MACROD2: variants seen among roughly 807,000 people sequenced by gnomAD.
The protein encoded by MACROD2 is ADP-ribose glycohydrolase MACROD2.
A neutral mutation model predicts 70.4 loss-of-function variants in MACROD2; 36 were observed. The ratio of observed to expected loss-of-function variants is 0.51; its 90% CI spans 0.39 to 0.68. MACROD2 has a LOEUF of 0.68. MACROD2 is among the 30% of genes least tolerant of loss of function. The pLI is 0.00. For synonymous variants in MACROD2, 172 were observed against 178.8 expected, an observed-to-expected ratio of 0.96 and a Z score of 0.30; for missense variants, 496 against 538.4, an observed-to-expected ratio of 0.92 and a Z score of 0.78.
intron 3 of MACROD2, among the ~76,000 whole-genome samples, chr20:14,447,204 G>C (rs1846418175): frequency 6.6e-6 from 1 of 151,982 alleles, no homozygotes; most frequent in Non-Finnish European, 1.5e-5. Flanking sequence ...ATTTTTAGTA[G>C]AGATGGTATT....
chr20:14,542,163 G>A (rs1035647375), intron 4 of MACROD2, among the ~76,000 whole-genome samples: 19 of 152,312 alleles, frequency 1.2e-4, no homozygotes, highest in African/African-American at 2.4e-4. Flanking sequence ...TGTGTTGACC[G>A]CAGTCGCCAT....
At chr20:15,888,579 G>A (rs1252825771) in intron 10 of MACROD2, among the ~76,000 whole-genome samples, 1 of 152,154 alleles carries the variant, frequency 6.6e-6, no homozygotes, top group Non-Finnish European at 1.5e-5. Flanking sequence ...TAATGCTAAT[G>A]CAGAGTCCCC....
chr20:15,822,416 A>T (rs903607038), intron 8 of MACROD2, among the ~76,000 whole-genome samples: 7 of 152,184 alleles, frequency 4.6e-5, no homozygotes, highest in Non-Finnish European at 1.5e-5. Flanking sequence ...TGGATAGTTA[A>T]TGAAATAGTT....
intron 8 of MACROD2, among the ~76,000 whole-genome samples, chr20:15,824,239 GTCTC>G (rs139724335): frequency 4.7e-4 from 71 of 149,588 alleles, no homozygotes; most frequent in Admixed American, 1.5e-3. Flanking sequence ...TATCTTAAGT[GTCTC>G]TCTCTCTCTC....
chr20:15,402,583 GAA>G lies in MACROD2; in HGVS notation c.541-28819_541-28818del, dbSNP rs1337506824. On this transcript the variant is annotated intron_variant, in intron 6 of 17. Transcript: ENST00000684519. Reference sequence around the variant, plus strand: ...GATTATTTCAAAAGGCTCCAAAATGGAAAAGAGTGAATATGTGAGCCGCCATG... The same window carrying G: ...GATTATTTCAAAAGGCTCCAAAATGGAAGAGTGAATATGTGAGCCGCCATG... 8.5e-5 allele frequency among the ~76,000 whole-genome samples: 13 copies of G among 152,300 alleles called. No individual in the cohort carries two copies. In the East Asian group the frequency reaches 2.3e-3, roughly 27 times the overall value.
Position 15,428,606 on chromosome 20 carries a change from A to G in MACROD2, c.541-2799A>G, listed in dbSNP as rs137906845. Among the ~76,000 whole-genome samples the G allele has an allele frequency of 1.7e-3, 252 of 152,242 alleles. 2 individuals carry two copies. Among genetic ancestry groups the G allele is most frequent in the South Asian group, 0.012 (57 of 4,818 alleles). ...TCTTGTCTTTCTTATCACTTCACCC[A>G]ATTAACTACCCTAGCCCAAGCCCCT... On this transcript the variant is annotated intron_variant, in intron 6 of 17. Coordinates refer to ENST00000684519, the MANE Select transcript of MACROD2 (RefSeq NM_001351661.2).
At chr20:14,403,244 C>T (rs1055777938) in intron 3 of MACROD2, among the ~76,000 whole-genome samples, 8 of 152,156 alleles carry the variant, frequency 5.3e-5, no homozygotes, top group African/African-American at 7.2e-5. Flanking sequence ...CCCCCAAACA[C>T]TGACATTGCC....
chr20:15,129,204 A>C (rs1488795429), intron 5 of MACROD2, among the ~76,000 whole-genome samples: 1 of 152,070 alleles, frequency 6.6e-6, no homozygotes, highest in Non-Finnish European at 1.5e-5. Context: ...ATCTGTATTT[A>C]ATATATGGAT....
chr20:14,706,242 A>G (rs2071268944), intron 5 of MACROD2, among the ~76,000 whole-genome samples: 1 of 151,688 alleles, frequency 6.6e-6, no homozygotes, highest in African/African-American at 2.4e-5. Context: ...TGAACGCAGG[A>G]GGTGGAGGTT....
intron 5 of MACROD2, among the ~76,000 whole-genome samples, chr20:15,105,674 G>A (rs2075905338): frequency 6.6e-6 from 1 of 152,070 alleles, no homozygotes; most frequent in African/African-American, 2.4e-5. Context: ...CATTCAGGGA[G>A]CTTCTCAGTA....
chr20:14,862,629 AAAT>A (rs2073376020), intron 5 of MACROD2, among the ~76,000 whole-genome samples: 1 of 13,274 alleles, frequency 7.5e-5, no homozygotes, highest in African/African-American at 2.5e-4. Flanking sequence ...ATATATATAT[AAAT>A]ATATATATAA....
chr20:15,105,427 C>T (rs1297271291), intron 5 of MACROD2, among the ~76,000 whole-genome samples: 1 of 152,096 alleles, frequency 6.6e-6, no homozygotes, highest in Admixed American at 6.6e-5. Context: ...GGGTCAAATT[C>T]CTACAACCTC....
chr20:14,441,946 G>T (rs762275887), intron 3 of MACROD2, among the ~76,000 whole-genome samples: 3 of 152,046 alleles, frequency 2.0e-5, no homozygotes, highest in Non-Finnish European at 2.9e-5. Flanking sequence ...AGAAAGTGTA[G>T]CAGGAATCTG....
chr20:15,007,125 G>A (rs1397079546), intron 5 of MACROD2, among the ~76,000 whole-genome samples: 1 of 152,124 alleles, frequency 6.6e-6, no homozygotes, highest in Non-Finnish European at 1.5e-5. Flanking sequence ...AGCACTTTGG[G>A]AGGCTGAGGC....
intron 5 of MACROD2, among the ~76,000 whole-genome samples, chr20:14,826,267 G>T (rs1333123377): frequency 6.6e-6 from 1 of 151,128 alleles, no homozygotes; most frequent in Non-Finnish European, 1.5e-5. Context: ...CAATACCCAT[G>T]CATTGACTCC....
intron 4 of MACROD2, among the ~76,000 whole-genome samples, chr20:14,617,571 C>T (rs1473138487): frequency 1.3e-5 from 2 of 152,044 alleles, no homozygotes; most frequent in East Asian, 3.9e-4. Flanking sequence ...GACTAAGAAA[C>T]CATATACAAA....
chr20:14,318,420 T>C (rs947557320), intron 3 of MACROD2, among the ~76,000 whole-genome samples: 4 of 152,180 alleles, frequency 2.6e-5, no homozygotes, highest in African/African-American at 9.6e-5. Context: ...ATTCTAGCCA[T>C]ATAACATAAA....
At chr20:15,151,132 G>T (rs1176888094) in intron 5 of MACROD2, among the ~76,000 whole-genome samples, 1 of 152,118 alleles carries the variant, frequency 6.6e-6, no homozygotes, top group Non-Finnish European at 1.5e-5. Flanking sequence ...GAGTCAGTCA[G>T]AGAGCCTTGG....
chr20:15,507,825 C>T (rs1023655531), intron 8 of MACROD2, among the ~76,000 whole-genome samples: 2 of 152,200 alleles, frequency 1.3e-5, no homozygotes, highest in African/African-American at 4.8e-5. Context: ...CCCAAGACAA[C>T]ATCAAGGGTT....
Sources: allele counts gnomAD v4.1 joint callset (sites outside exome capture counted in the v4.1 genomes callset), GRCh38; gene constraint gnomAD v4.1.1; transcripts MANE v1.5; gene names NCBI Gene and HGNC (gene_info 2026-07-23, HGNC 2026-07-21).